The following CTNNA3 variants were observed in gnomAD, a reference collection of about 807,000 sequenced individuals.
CTNNA3 encodes catenin alpha-3.
A neutral mutation model predicts 95.7 loss-of-function variants in CTNNA3; 76 were observed. The ratio of observed to expected loss-of-function variants is 0.79; its 90% CI spans 0.66 to 0.96. The LOEUF (loss-of-function observed/expected upper bound fraction) is 0.96, where lower values mean the gene tolerates loss of function less well. Ranked by LOEUF, CTNNA3 falls within the 40% of genes least tolerant of loss-of-function variation. The pLI is 0.00. For missense variants in CTNNA3, 1,191 were observed against 1,089.8 expected (o/e 1.09, Z -1.31); for synonymous variants, 431 against 374.4 (o/e 1.15, Z -1.74).
intron 7 of CTNNA3, among the ~76,000 whole-genome samples, chr10:67,144,648 G>A (rs1860755069): frequency 6.6e-6 from 1 of 152,128 alleles, no homozygotes; most frequent in African/African-American, 2.4e-5. Context: ...CTTTTCTTGG[G>A]CAGCTTCCTT....
intron 15 of CTNNA3, among the ~76,000 whole-genome samples, chr10:66,054,581 C>T (rs2080035315): frequency 6.6e-6 from 1 of 151,986 alleles, no homozygotes; most frequent in Non-Finnish European, 1.5e-5. Flanking sequence ...TGTTCTTTTC[C>T]TATTGAGTTG....
At chr10:66,523,161 T>G (rs1841128932) in intron 10 of CTNNA3, among the ~76,000 whole-genome samples, 1 of 152,204 alleles carries the variant, frequency 6.6e-6, no homozygotes, top group Non-Finnish European at 1.5e-5. Flanking sequence ...TCGTGTATAC[T>G]GCAGTGGCTC....
At chr10:66,570,173 G>A (rs1219006082) in intron 10 of CTNNA3, among the ~76,000 whole-genome samples, 1 of 152,166 alleles carries the variant, frequency 6.6e-6, no homozygotes, top group East Asian at 1.9e-4. Flanking sequence ...TTTTAGCTCT[G>A]TGTGGGTTCA....
chr10:67,163,588 CACTT>C (rs1260231266), intron 7 of CTNNA3, among the ~76,000 whole-genome samples: 1 of 151,990 alleles, frequency 6.6e-6, no homozygotes, highest in Non-Finnish European at 1.5e-5. Context: ...GCTCTCACCA[CACTT>C]ACGCACCATA....
At chr10:66,384,195 G>A (rs1480972739) in intron 11 of CTNNA3, among the ~76,000 whole-genome samples, 3 of 152,084 alleles carry the variant, frequency 2.0e-5, no homozygotes, top group African/African-American at 7.2e-5. Context: ...CTGTATTCAG[G>A]AGACCCACCT....
intron 15 of CTNNA3, among the ~76,000 whole-genome samples, chr10:65,989,906 T>C (rs2078504992): frequency 6.6e-6 from 1 of 152,140 alleles, no homozygotes; most frequent in Non-Finnish European, 1.5e-5. Flanking sequence ...TAACTATGAT[T>C]CTACTTTCCA....
rs561395923 is a variant in CTNNA3, at chr10:66,592,393, T to G, written c.1374+29299A>C. Among the ~76,000 whole-genome samples the G allele has an allele frequency of 9.4e-4, 143 of 152,200 alleles. 1 individual carries two copies. The highest frequency in any genetic ancestry group is 3.1e-3 in the South Asian group (15 of 4,822). On this transcript the variant is annotated intron_variant, in intron 10 of 17. Transcript: ENST00000433211. ...TTCAGAATCTCCTTCAGGATAAAAT[T>G]TACCTACTTACCAAAACCCTTTGTG...
chr10:66,836,092 A>G (rs970955337), intron 7 of CTNNA3, among the ~76,000 whole-genome samples: 19 of 152,196 alleles, frequency 1.2e-4, no homozygotes, highest in African/African-American at 4.6e-4. Context: ...GTAGTCAATG[A>G]TTTGTAGCAT....
In CTNNA3 at chr10:66,535,608, T is replaced by A. The variant is rs944300687; in HGVS notation, c.1375-14835A>T. ...ATGGATTAGGAAGAACTGGATGCAC[T>A]CCATAATGCAGGCCAAGCATAATTT... On this transcript the variant is annotated intron_variant, in intron 10 of 17. Transcript: ENST00000433211. 2.0e-5 allele frequency among the ~76,000 whole-genome samples: 3 copies of A among 152,160 alleles called. No homozygotes were observed. In the East Asian group the frequency reaches 5.8e-4, roughly 29 times the overall value.
chr10:67,757,407 G>A (rs1328426438), intron 1 of CTNNA3, among the ~76,000 whole-genome samples: 1 of 152,148 alleles, frequency 6.6e-6, no homozygotes, highest in East Asian at 1.9e-4. Flanking sequence ...GTTCCTGGGT[G>A]TGTCTGTGAG....
chr10:66,681,540 C>G (rs897349518), intron 9 of CTNNA3, among the ~76,000 whole-genome samples: 1 of 152,128 alleles, frequency 6.6e-6, no homozygotes, highest in Non-Finnish European at 1.5e-5. Context: ...AAAACAATAT[C>G]GGAGTCCTGG....
intron 13 of CTNNA3, among the ~76,000 whole-genome samples, chr10:66,165,552 A>T (rs2085084292): frequency 6.6e-6 from 1 of 152,144 alleles, no homozygotes; most frequent in Non-Finnish European, 1.5e-5. Flanking sequence ...CATCATTTCT[A>T]AAAACCCAAT....
intron 9 of CTNNA3, among the ~76,000 whole-genome samples, chr10:66,703,519 A>C (rs1245189304): frequency 6.6e-6 from 1 of 152,174 alleles, no homozygotes; most frequent in Non-Finnish European, 1.5e-5. Flanking sequence ...GTTGTCATCC[A>C]ATCCAGCTTC....
intron 16 of CTNNA3, among the ~76,000 whole-genome samples, chr10:65,974,742 T>C (rs1589200086): frequency 6.7e-6 from 1 of 149,906 alleles, no homozygotes; most frequent in African/African-American, 2.5e-5. Context: ...ATTTTTTAGA[T>C]GCATTAAAGA....
At chr10:66,249,773 G>A (rs921518784) in intron 13 of CTNNA3, among the ~76,000 whole-genome samples, 14 of 152,080 alleles carry the variant, frequency 9.2e-5, no homozygotes, top group African/African-American at 1.4e-4. Context: ...GCAGTGAGCC[G>A]AGATAGCACC....
chr10:67,637,153 G>C (rs551336011), intron 2 of CTNNA3, among the ~76,000 whole-genome samples: 1 of 152,206 alleles, frequency 6.6e-6, no homozygotes, highest in Non-Finnish European at 1.5e-5. Flanking sequence ...AATACCCAAC[G>C]CAGAGAAGTT....
chr10:67,420,914 T>C (rs115814578), intron 5 of CTNNA3, among the ~76,000 whole-genome samples: 2,599 of 152,256 alleles, frequency 0.017, 73 homozygotes, highest in African/African-American at 0.059. Context: ...ACTTAATAGT[T>C]TTGTTGTTGT....
chr10:66,159,165 G>A (rs2084705975), intron 13 of CTNNA3, among the ~76,000 whole-genome samples: 1 of 151,962 alleles, frequency 6.6e-6, no homozygotes, highest in Admixed American at 6.6e-5. Context: ...TCTCTTGTCT[G>A]ATTGCTTGGC....
intron 13 of CTNNA3, among the ~76,000 whole-genome samples, chr10:66,241,498 T>A (rs942890554): frequency 6.6e-6 from 1 of 152,170 alleles, no homozygotes; most frequent in African/African-American, 2.4e-5. Flanking sequence ...ATTAAGACCT[T>A]AGGAGAATAT....
Sources: allele counts gnomAD v4.1 joint callset (sites outside exome capture counted in the v4.1 genomes callset), GRCh38; gene constraint gnomAD v4.1.1; transcripts MANE v1.5; gene names NCBI Gene and HGNC (gene_info 2026-07-23, HGNC 2026-07-21).